Variants in NAALADL2 observed in about 807,000 individuals in gnomAD.
NAALADL2 encodes N-acetylated alpha-linked acidic dipeptidase like 2, also known as inactive N-acetylated-alpha-linked acidic dipeptidase-like protein 2.
NAALADL2 carries 76 observed loss-of-function variants against 87.2 expected under a neutral mutation model. The ratio of observed to expected loss-of-function variants is 0.87; its 90% confidence interval spans 0.72 to 1.05. The LOEUF (loss-of-function observed/expected upper bound fraction) is 1.05, where lower values mean the gene tolerates loss of function less well. Among genes scored for constraint, NAALADL2 ranks in the 50% least tolerant of loss-of-function variants. The pLI, the probability that NAALADL2 is intolerant of heterozygous loss-of-function variation, is 0.00. For missense variants in NAALADL2, 1,089 were observed against 945.8 expected (o/e 1.15, Z -1.99); for synonymous variants, 354 against 331.0 (o/e 1.07, Z -0.75).
At chr3:175,790,731 A>G (rs1752680918) in intron 13 of NAALADL2, among the ~76,000 whole-genome samples, 1 of 152,184 alleles carries the variant, frequency 6.6e-6, no homozygotes, top group South Asian at 2.1e-4. Context: ...CTCCACATAT[A>G]CTTGAACAAC....
intron 4 of NAALADL2, among the ~76,000 whole-genome samples, chr3:175,321,625 C>T (rs1759877973): frequency 1.6e-5 from 1 of 62,638 alleles, no homozygotes; most frequent in Non-Finnish European, 2.9e-5. Context: ...AGCTGATAAG[C>T]AACTTCAGCA....
intron 1 of NAALADL2, among the ~76,000 whole-genome samples, chr3:174,501,877 G>A (rs943263889): frequency 1.4e-4 from 21 of 151,684 alleles, no homozygotes; most frequent in East Asian, 5.8e-4. Flanking sequence ...ATTTTCCACT[G>A]TTCTCTATTT....
chr3:174,672,963 C>T (rs1464867417), intron 2 of NAALADL2, among the ~76,000 whole-genome samples: 1 of 151,928 alleles, frequency 6.6e-6, no homozygotes, highest in Non-Finnish European at 1.5e-5. Context: ...GGGTTGTACA[C>T]AGAGGCATGT....
At chr3:175,065,516 A>T (rs781186364) in intron 1 of NAALADL2, among the ~76,000 whole-genome samples, 52 of 152,226 alleles carry the variant, frequency 3.4e-4, no homozygotes, top group Non-Finnish European at 6.2e-4. Context: ...AAGGTATAGT[A>T]ATCCCAGTTT....
chr3:174,506,494 T>A (rs776811370), intron 1 of NAALADL2, among the ~76,000 whole-genome samples: 4 of 152,160 alleles, frequency 2.6e-5, no homozygotes, highest in Admixed American at 6.5e-5. Context: ...GTCTTCATTT[T>A]TAACGGCTTT....
intron 1 of NAALADL2, among the ~76,000 whole-genome samples, chr3:174,473,611 T>C (rs1174221984): frequency 1.3e-5 from 2 of 152,258 alleles, no homozygotes; most frequent in Middle Eastern, 3.4e-3. Context: ...ATATATTAAA[T>C]TCATAATCAA....
intron 9 of NAALADL2, among the ~76,000 whole-genome samples, chr3:175,521,684 G>A (rs1352860946): frequency 1.3e-5 from 2 of 152,144 alleles, no homozygotes; most frequent in Admixed American, 1.3e-4. Flanking sequence ...AGATGGCCAC[G>A]TGAAGACAGG....
chr3:174,961,219 A>C (rs932804724), intron 1 of NAALADL2, among the ~76,000 whole-genome samples: 1 of 151,156 alleles, frequency 6.6e-6, no homozygotes, highest in African/African-American at 2.4e-5. Context: ...TCTGTCTTCA[A>C]GTGATCCTCC....
chr3:174,733,069 T>G (rs1732853521), intron 2 of NAALADL2, among the ~76,000 whole-genome samples: 2 of 152,196 alleles, frequency 1.3e-5, no homozygotes, highest in African/African-American at 4.8e-5. Context: ...GCTTTTTATT[T>G]ATGAGATTTT....
intron 9 of NAALADL2, among the ~76,000 whole-genome samples, chr3:175,489,196 C>T (rs921521905): frequency 6.6e-6 from 1 of 151,858 alleles, no homozygotes; most frequent in Non-Finnish European, 1.5e-5. Flanking sequence ...AATATTTTGA[C>T]AAGGCAATTA....
At position 174,701,919 on chromosome 3, in the gene NAALADL2, A is replaced by G. The variant is rs375670148; in HGVS notation, c.-114-35722A>G. Among the ~76,000 whole-genome samples the G allele has an allele frequency of 6.9e-4, 105 of 152,316 alleles. 1 individual carries two copies. The highest frequency in any genetic ancestry group is 2.2e-3 in the African/African-American group (92 of 41,590). On this transcript the variant is annotated intron_variant, in intron 2 of 3. Coordinates refer to the NAALADL2 transcript ENST00000434257. ...TTAACATTTGCGTACAAGTCTTTGT[A>G]TAGACATGTATGTTTATTTCTCTTA...
chr3:175,071,183 C>A (rs1180377229), intron 1 of NAALADL2, among the ~76,000 whole-genome samples: 1 of 152,114 alleles, frequency 6.6e-6, no homozygotes, highest in Non-Finnish European at 1.5e-5. Flanking sequence ...CTAAAGTTCT[C>A]AGTCAATAAA....
At chr3:175,069,330 C>A (rs1715147961) in intron 1 of NAALADL2, among the ~76,000 whole-genome samples, 1 of 149,826 alleles carries the variant, frequency 6.7e-6, no homozygotes, top group Non-Finnish European at 1.5e-5. Context: ...AAACAAACAA[C>A]CCCATCAAAA....
At chr3:174,904,306 CTTA>C (rs1553888418) in intron 1 of NAALADL2, among the ~76,000 whole-genome samples, 1 of 151,802 alleles carries the variant, frequency 6.6e-6, no homozygotes, top group Admixed American at 6.6e-5. Flanking sequence ...ATGTTACCAA[CTTA>C]TTAAGAATCT....
intron 2 of NAALADL2, among the ~76,000 whole-genome samples, chr3:175,160,360 C>CTTTTTTTTTTT (rs71164618): frequency 0.018 from 1,003 of 56,982 alleles, 186 homozygotes; most frequent in Middle Eastern, 0.036. Context: ...TCTTTTCTTT[C>CTTTTTTTTTTT]TTTTTTTTTT....
chr3:175,445,436 A>C (rs976457259), intron 5 of NAALADL2, among the ~76,000 whole-genome samples: 7 of 151,954 alleles, frequency 4.6e-5, no homozygotes, highest in Admixed American at 4.6e-4. Context: ...CCCAGGGCAA[A>C]TATGTAATTG....
chr3:175,591,776 G>GTGTT (rs1721489434), intron 10 of NAALADL2, among the ~76,000 whole-genome samples: 2 of 21,200 alleles, frequency 9.4e-5, no homozygotes, highest in Non-Finnish European at 2.0e-4. Flanking sequence ...TGGTGTGTGT[G>GTGTT]TGTGTGTGTA....
chr3:175,091,466 TCTG>T (rs1040578210), intron 1 of NAALADL2, among the ~76,000 whole-genome samples: 16 of 152,084 alleles, frequency 1.1e-4, no homozygotes, highest in Middle Eastern at 3.2e-3. Context: ...TTAAAGCTAA[TCTG>T]CTACAGTCAT....
At chr3:174,859,726 C>T (rs1050033252) in intron 1 of NAALADL2, among the ~76,000 whole-genome samples, 1 of 152,092 alleles carries the variant, frequency 6.6e-6, no homozygotes, top group Non-Finnish European at 1.5e-5. Context: ...AAGCTTTATC[C>T]TTAATCCCCA....
Sources: allele counts gnomAD v4.1 joint callset (sites outside exome capture counted in the v4.1 genomes callset), GRCh38; gene constraint gnomAD v4.1.1; transcripts MANE v1.5; gene names NCBI Gene and HGNC (gene_info 2026-07-23, HGNC 2026-07-21).